Variants in DHRS9 observed in about 807,000 individuals in gnomAD.
The protein encoded by DHRS9 is dehydrogenase/reductase SDR family member 9.
In DHRS9, 18 loss-of-function variants were observed where a neutral mutation model predicts 26.6. The ratio of observed to expected loss-of-function variants is 0.68; its 90% CI spans 0.47 to 1.00. The LOEUF (loss-of-function observed/expected upper bound fraction) is 1.00, where lower values mean the gene tolerates loss of function less well. DHRS9 is among the 50% of genes least tolerant of loss of function. DHRS9 has a pLI of 0.00. For missense variants in DHRS9, 425 were observed against 378.7 expected (o/e 1.12, Z -1.01); for synonymous variants, 134 against 141.1 (o/e 0.95, Z 0.36).
In DHRS9 at chr2:169,069,806, C is replaced by T. The variant is rs183714649; in HGVS notation, c.-60+89C>T. 178 of 959,188 alleles carry T rather than the reference C, an allele frequency of 1.9e-4. No homozygotes were observed. In the African/African-American group the frequency reaches 2.8e-3, roughly 15 times the overall value. The allele number at this position is 959,188 out of a possible 1,614,324, so 59.4% of individuals were successfully genotyped here. On this transcript the variant is annotated intron_variant, in intron 1 of 4. Coordinates refer to ENST00000674881, the MANE Select transcript of DHRS9 (RefSeq NM_001376924.1). ...TTTTCCTCACTCTTGCAGAATGAAT[C>T]GGTGGTCTTTCAAGCTGTGGTCAAT...
At chr2:169,072,794 G>A (rs1033696602) in intron 1 of DHRS9, 6 of 288,446 alleles carry the variant, frequency 2.1e-5, no homozygotes, top group Non-Finnish European at 2.6e-5. Context: ...GACTGATAAT[G>A]TGTTCATCTC....
intron 3 of DHRS9, among the ~76,000 whole-genome samples, chr2:169,088,382 G>A (rs1000934028): frequency 6.6e-6 from 1 of 152,182 alleles, no homozygotes; most frequent in East Asian, 1.9e-4. Flanking sequence ...AGGAGGAGTA[G>A]CATCAACAAT....
chr2:169,079,922 A>G (rs866013028), intron 1 of DHRS9, among the ~76,000 whole-genome samples: 86 of 4,058 alleles, frequency 0.021, 7 homozygotes, highest in African/African-American at 0.067. Context: ...AGGGAGGGGG[A>G]GAGAGAGAGA....
At chr2:169,094,087 C>T (rs1284927685) in intron 4 of DHRS9, among the ~76,000 whole-genome samples, 7 of 152,176 alleles carry the variant, frequency 4.6e-5, no homozygotes, top group African/African-American at 1.7e-4. Context: ...ATGCCCTTGT[C>T]AATACTTGTT....
upstream of DHRS9, chr2:169,069,319 A>G: frequency 1.6e-6 from 1 of 637,352 alleles, no homozygotes; most frequent in South Asian, 6.9e-5. Context: ...TTTCTTTGTT[A>G]TATTATTTCT....
intron 3 of DHRS9, among the ~76,000 whole-genome samples, chr2:169,084,373 A>G (rs1377199567): frequency 7.9e-5 from 12 of 152,190 alleles, no homozygotes. Context: ...GTATTGCTGG[A>G]TCATATGGTA....
intron 3 of DHRS9, among the ~76,000 whole-genome samples, chr2:169,084,757 A>T (rs945906836): frequency 6.6e-6 from 1 of 152,126 alleles, no homozygotes; most frequent in African/African-American, 2.4e-5. Context: ...GTAGCTTTCA[A>T]ATATTTTCTC....
At chr2:169,091,728 C>G (rs996532568) in intron 3 of DHRS9, 62 bp from the exon 4 acceptor site, 1 of 1,513,472 alleles carries the variant, frequency 6.6e-7, no homozygotes, top group African/African-American at 1.4e-5. Context: ...AATAGTCACT[C>G]AAATAGCAAA....
intron 1 of DHRS9, among the ~76,000 whole-genome samples, chr2:169,076,692 C>CT (rs957233204): frequency 6.6e-6 from 1 of 152,156 alleles, no homozygotes; most frequent in African/African-American, 2.4e-5. Flanking sequence ...ACAGTTGACC[C>CT]TTAAACAACA....
At chr2:169,090,384 T>C (rs548651673) in intron 3 of DHRS9, among the ~76,000 whole-genome samples, 3 of 152,362 alleles carry the variant, frequency 2.0e-5, no homozygotes, top group South Asian at 4.1e-4. Flanking sequence ...CACTGCTACT[T>C]CCACAATCTA....
chr2:169,091,057 T>C (rs1684505594), intron 3 of DHRS9, among the ~76,000 whole-genome samples: 1 of 152,084 alleles, frequency 6.6e-6, no homozygotes, highest in Admixed American at 6.6e-5. Flanking sequence ...GTATATTAGA[T>C]GCATTTTTTG....
chr2:169,081,024 C>CA (rs199790929), intron 1 of DHRS9: 5,991 of 576,542 alleles, frequency 0.01, 46 homozygotes, highest in Middle Eastern at 0.018. Context: ...TTAGTGGCAA[C>CA]AAAAAATGCT....
rs780558557 is a variant in DHRS9, at chr2:169,091,970, TG to T, written c.736+18del. 1 of 1,611,472 alleles carries T rather than the reference TG, an allele frequency of 6.2e-7. No homozygotes were observed. The highest frequency in any genetic ancestry group is 1.7e-5 in the Admixed American group (1 of 59,648). On this transcript the variant is annotated intron_variant, in intron 4 of 4. Transcript: ENST00000674881. The stretch of plus-strand genomic sequence containing the variant: ...TTGAAAAAAGTGAGTTTCCGGGCGG[TG>T]CCAATGTCCTCTAGAATTCTTTGTC...
intron 1 of DHRS9, among the ~76,000 whole-genome samples, chr2:169,078,344 G>A (rs1387672803): frequency 6.6e-6 from 1 of 152,186 alleles, no homozygotes; most frequent in Non-Finnish European, 1.5e-5. Context: ...CTGCTCTAGA[G>A]AACATAAAAC....
intron 3 of DHRS9, among the ~76,000 whole-genome samples, chr2:169,089,928 T>C (rs1390544414): frequency 1.3e-5 from 2 of 152,192 alleles, no homozygotes; most frequent in East Asian, 3.8e-4. Context: ...ATTGGTCTCT[T>C]TGGTTGACCT....
At chr2:169,086,735 C>G (rs1003136873) in intron 3 of DHRS9, among the ~76,000 whole-genome samples, 2 of 152,114 alleles carry the variant, frequency 1.3e-5, no homozygotes, top group South Asian at 2.1e-4. Context: ...CCAGTAAGAC[C>G]GTGCCTCTTG....
chr2:169,075,786 T>C (rs1683945372), intron 1 of DHRS9, among the ~76,000 whole-genome samples: 1 of 152,160 alleles, frequency 6.6e-6, no homozygotes, highest in Non-Finnish European at 1.5e-5. Context: ...CTTTGGATGC[T>C]CCACAGAAGA....
intron 1 of DHRS9, chr2:169,070,383 T>C (rs1683763523): frequency 3.0e-6 from 3 of 985,440 alleles, no homozygotes; most frequent in Non-Finnish European, 3.6e-6. Flanking sequence ...TCGCAATGAC[T>C]TGATGTTTAG....
chr2:169,079,975 GAGAGAGAGAGAAAGAA>G (rs1684117589), intron 1 of DHRS9, among the ~76,000 whole-genome samples: 2 of 83,112 alleles, frequency 2.4e-5, no homozygotes, highest in Admixed American at 1.4e-4. Context: ...GAGAGAGAGA[GAGAGAGAGAGAAAGAA>G]AGAAAGAAAG....
Sources: gnomAD v4.1 joint callset for allele counts (sites outside exome capture counted in the v4.1 genomes callset) on GRCh38, gnomAD v4.1.1 for gene constraint, MANE v1.5 for transcripts, NCBI Gene and HGNC (gene_info 2026-07-23, HGNC 2026-07-21) for gene names.